The following HAPLN1 variants were observed in gnomAD, a reference collection of about 807,000 sequenced individuals.
The protein encoded by HAPLN1 is hyaluronan and proteoglycan link protein 1.
A neutral mutation model predicts 36.5 loss-of-function variants in HAPLN1; 13 were observed. The ratio of observed to expected loss-of-function variants is 0.36; its 90% CI spans 0.23 to 0.57. The LOEUF (loss-of-function observed/expected upper bound fraction) is 0.57, where lower values mean the gene tolerates loss of function less well. Ranked by LOEUF, HAPLN1 falls within the 20% of genes least tolerant of loss-of-function variation. The pLI is 0.83. For missense variants in HAPLN1, 407 were observed against 439.7 expected (o/e 0.93, Z 0.66); for synonymous variants, 202 against 169.8 (o/e 1.19, Z -1.48).
chr5:83,650,414 G>T (rs1750021110), intron 3 of HAPLN1, among the ~76,000 whole-genome samples: 2 of 126,260 alleles, frequency 1.6e-5, no homozygotes, highest in African/African-American at 3.4e-5. Flanking sequence ...ATCTTTAATG[G>T]ACTATAAGAT....
intron 1 of HAPLN1, among the ~76,000 whole-genome samples, chr5:83,717,750 C>T (rs1440543111): frequency 6.6e-6 from 1 of 152,140 alleles, no homozygotes; most frequent in Non-Finnish European, 1.5e-5. Context: ...ATTAGATCAA[C>T]TTCATGGAAG....
intron 1 of HAPLN1, among the ~76,000 whole-genome samples, chr5:83,701,921 G>A (rs1173618197): frequency 1.7e-5 from 2 of 119,290 alleles, no homozygotes; most frequent in East Asian, 2.4e-4. Context: ...GCGAGACTTC[G>A]ACAAAAACAC....
At chr5:83,694,845 G>T (rs1330199307) in intron 1 of HAPLN1, among the ~76,000 whole-genome samples, 1 of 151,952 alleles carries the variant, frequency 6.6e-6, no homozygotes, top group Non-Finnish European at 1.5e-5. Context: ...ATTTAAAGAA[G>T]AAATAATATC....
chr5:83,700,193 CAAA>C (rs58457969), intron 1 of HAPLN1, among the ~76,000 whole-genome samples: 1 of 99,256 alleles, frequency 1.0e-5, no homozygotes. Context: ...GACTCCATCT[CAAA>C]AAAAAAAAAA....
At chr5:83,712,935 G>A (rs1751829536) in intron 1 of HAPLN1, among the ~76,000 whole-genome samples, 2 of 149,468 alleles carry the variant, frequency 1.3e-5, no homozygotes, top group South Asian at 2.1e-4. Context: ...CCAGGATTAT[G>A]GACTACAAAT....
At chr5:83,681,406 G>T (rs913530733) in intron 1 of HAPLN1, among the ~76,000 whole-genome samples, 3 of 152,112 alleles carry the variant, frequency 2.0e-5, no homozygotes, top group African/African-American at 7.2e-5. Context: ...AGCTTAGATT[G>T]CTATCTCATT....
At chr5:83,706,328 C>T (rs540009179) in intron 1 of HAPLN1, among the ~76,000 whole-genome samples, 6 of 152,152 alleles carry the variant, frequency 3.9e-5, no homozygotes, top group African/African-American at 1.4e-4. Flanking sequence ...TGCAAAAATC[C>T]CTAACAAAAT....
chr5:83,656,065 C>T (rs1275922271), intron 2 of HAPLN1, among the ~76,000 whole-genome samples: 8 of 152,202 alleles, frequency 5.3e-5, no homozygotes, highest in East Asian at 1.9e-4. Context: ...CAGTGGCTCA[C>T]GCCTATAATC....
chr5:83,707,353 C>T lies in HAPLN1; in HGVS notation c.-27+13436G>A, dbSNP rs141509297. Among the ~76,000 whole-genome samples, 522 of 152,256 alleles carry T rather than the reference C, an allele frequency of 3.4e-3. 4 individuals are homozygous for T. Among genetic ancestry groups the T allele is most frequent in the Non-Finnish European group, 4.7e-3 (322 of 68,014 alleles). ...AAACTATACTACAGGGCTACAGTAA[C>T]CAAAACAGCATAGTATTGGTACAAA... On this transcript the variant is annotated intron_variant, in intron 1 of 4. Transcript: ENST00000274341.
intron 2 of HAPLN1, among the ~76,000 whole-genome samples, chr5:83,665,803 G>T (rs1409334582): frequency 6.6e-6 from 1 of 152,114 alleles, no homozygotes; most frequent in Non-Finnish European, 1.5e-5. Flanking sequence ...CAATCCCTGA[G>T]CATGTAAATA....
chr5:83,713,216 TACTC>T (rs972203321), intron 1 of HAPLN1, among the ~76,000 whole-genome samples: 3 of 152,162 alleles, frequency 2.0e-5, no homozygotes, highest in African/African-American at 4.8e-5. Flanking sequence ...TTTGGGGTCT[TACTC>T]AGGGTTATCA....
chr5:83,710,624 A>T (rs137862345), intron 1 of HAPLN1, among the ~76,000 whole-genome samples: 1 of 152,176 alleles, frequency 6.6e-6, no homozygotes, highest in African/African-American at 2.4e-5. Flanking sequence ...TATGTTTTTA[A>T]GATAAAGAAG....
At chr5:83,710,307 G>A (rs1751748606) in intron 1 of HAPLN1, among the ~76,000 whole-genome samples, 1 of 152,142 alleles carries the variant, frequency 6.6e-6, no homozygotes, top group African/African-American at 2.4e-5. Flanking sequence ...GACTGAGATA[G>A]ATTAACCATA....
chr5:83,657,708 T>C (rs1750260301), intron 2 of HAPLN1, among the ~76,000 whole-genome samples: 2 of 151,994 alleles, frequency 1.3e-5, no homozygotes, highest in African/African-American at 4.8e-5. Flanking sequence ...GAATTGAGGA[T>C]GGTGCAAGCT....
At chr5:83,666,472 T>C (rs1052706571) in intron 2 of HAPLN1, among the ~76,000 whole-genome samples, 4 of 152,140 alleles carry the variant, frequency 2.6e-5, no homozygotes, top group African/African-American at 9.7e-5. Context: ...ACAATGTCTG[T>C]TTAGTATGGA....
intron 1 of HAPLN1, among the ~76,000 whole-genome samples, chr5:83,691,615 T>C (rs372280685): frequency 7.9e-5 from 12 of 151,976 alleles, no homozygotes; most frequent in African/African-American, 2.9e-4. Flanking sequence ...ACCTTAACCA[T>C]ATCTCTGAAC....
At chr5:83,683,627 A>T (rs1011729320) in intron 1 of HAPLN1, among the ~76,000 whole-genome samples, 2 of 152,188 alleles carry the variant, frequency 1.3e-5, no homozygotes, top group African/African-American at 4.8e-5. Context: ...GATCTGGATG[A>T]TGAAGTGTAA....
chr5:83,657,571 G>T (rs1750256620), intron 2 of HAPLN1, among the ~76,000 whole-genome samples: 1 of 152,092 alleles, frequency 6.6e-6, no homozygotes, highest in East Asian at 1.9e-4. Flanking sequence ...TTTCCCATTA[G>T]AAAGACTTTT....
chr5:83,671,326 C>T (rs1312171556), intron 2 of HAPLN1, among the ~76,000 whole-genome samples: 1 of 152,164 alleles, frequency 6.6e-6, no homozygotes, highest in Non-Finnish European at 1.5e-5. Flanking sequence ...CTAACAGAAG[C>T]TCATACTGCT....
Sources: allele counts gnomAD v4.1 joint callset (sites outside exome capture counted in the v4.1 genomes callset), GRCh38; gene constraint gnomAD v4.1.1; transcripts MANE v1.5; gene names NCBI Gene and HGNC (gene_info 2026-07-23, HGNC 2026-07-21).